Variants in DMAP1 observed in about 807,000 individuals in gnomAD.
DMAP1 encodes the protein DNA methyltransferase 1 associated protein 1.
DMAP1 carries 26 observed loss-of-function variants against 52.7 expected under a neutral mutation model. The ratio of observed to expected loss-of-function variants is 0.49; its 90% CI spans 0.36 to 0.68. The LOEUF is 0.68. Ranked by LOEUF, DMAP1 falls within the 30% of genes least tolerant of loss-of-function variation. The pLI is 0.00. For missense variants in DMAP1, 439 were observed against 625.2 expected (o/e 0.70, Z 3.18); for synonymous variants, 231 against 246.0 (o/e 0.94, Z 0.57).
rs1045004334 is a variant in DMAP1 at position 44,219,751 on chromosome 1, T to G, written c.979-55T>G. 3 of 1,600,968 alleles carry G rather than the reference T, an allele frequency of 1.9e-6. No homozygotes were observed. In the African/African-American group the frequency reaches 4.0e-5, roughly 21 times the overall value. On this transcript the variant is annotated intron_variant, in intron 7 of 9. Transcript: ENST00000372289. ...TCTTTCCCTCTGCCTTTTGTCCCCTTCATCCTAAGCCTCTTGTGGCTGGGA... is the reference window on the plus strand; with the variant it reads ...TCTTTCCCTCTGCCTTTTGTCCCCTGCATCCTAAGCCTCTTGTGGCTGGGA...
chr1:44,216,388 C>A (rs987173698), intron 3 of DMAP1: 2 of 152,062 alleles, frequency 1.3e-5, no homozygotes, highest in Non-Finnish European at 2.9e-5. Context: ...CACCAACATG[C>A]CTGGCTAATT....
chr1:44,214,633 C>A (rs1477598004), intron 2 of DMAP1, 70 bp from the exon 3 acceptor site: 2 of 1,613,210 alleles, frequency 1.2e-6, no homozygotes, highest in African/African-American at 1.3e-5. Context: ...TAGATCAGCT[C>A]CCTGGGACAA....
intron 3 of DMAP1, chr1:44,215,559 C>T (rs981975644): frequency 6.1e-6 from 2 of 325,216 alleles, no homozygotes; most frequent in Admixed American, 4.2e-5. Flanking sequence ...AAATAAGAGC[C>T]GTCAGTAACA....
At chr1:44,216,565 G>GAATTA (rs1294915069) in intron 3 of DMAP1, 1 of 152,192 alleles carries the variant, frequency 6.6e-6, no homozygotes, top group Non-Finnish European at 1.5e-5. Flanking sequence ...TAGTTAAATT[G>GAATTA]AATTAAAATG....
chr1:44,213,990 A>G lies in DMAP1; in HGVS notation c.105+132A>G, dbSNP rs1315174876. ...GATAAAAGGGGTGACATAACAGGAC[A>G]GGGAATATGTGTCATCCTTGATGGG... On this transcript the variant is annotated intron_variant, in intron 1 of 9. Coordinates refer to ENST00000372289, the MANE Select transcript of DMAP1 (RefSeq NM_019100.5). The surrounding 1 kb of genome is among the most constrained non-coding windows in gnomAD (Gnocchi z 4.5). 1.9e-5 allele frequency: 16 copies of G among 833,694 alleles called. No homozygotes were observed. Among genetic ancestry groups the G allele is most frequent in the Non-Finnish European group, 2.7e-5 (14 of 516,350 alleles). 51.6% of individuals were successfully genotyped at this position (833,694 alleles called of 1,614,324 possible).
intron 8 of DMAP1, 55 bp from the exon 9 acceptor site, chr1:44,219,962 G>A: frequency 6.2e-7 from 1 of 1,607,112 alleles, no homozygotes. Flanking sequence ...AGTTCACATT[G>A]CTGGCCCTCT....
Position 44,219,841 on chromosome 1 carries a change from C to A in DMAP1, c.1014C>A (p.Ile338=). Residue 338 remains isoleucine (I), a synonymous_variant, in exon 8 of 10, where the codon ATC becomes ATA. Transcript: ENST00000372289. The stretch of plus-strand genomic sequence containing the variant: ...CAAGCTCTGTGGGACAGAAGAAGAT[C>A]AAGGCCCTGGAACAGATGCTGCTGG... ...KLPSSVGQKK[I]KALEQMLLEL... 2 of 1,614,188 alleles carry A rather than the reference C, an allele frequency of 1.2e-6. No homozygotes were observed. Among genetic ancestry groups the A allele is most frequent in the South Asian group, 2.2e-5 (2 of 91,064 alleles).
Position 44,213,508 on chromosome 1 carries a change from G to A in DMAP1, c.-246G>A. On this transcript the variant is annotated 5_prime_UTR_variant, in exon 1 of 10. Coordinates refer to ENST00000372289, the MANE Select transcript of DMAP1 (RefSeq NM_019100.5). The surrounding 1 kb of genome is among the most constrained non-coding windows in gnomAD (Gnocchi z 4.5). ...CGGGGACGGGGGAGTGGTAGTGGGG[G>A]CTGCAGCTGCCGGACCCAGGTGCGG... 2.1e-6 allele frequency: 1 copy of A among 472,374 alleles called. No individual in the cohort carries two copies. The allele number at this position is 472,374 out of a possible 1,614,324, so 29.3% of individuals were successfully genotyped here. A position where few individuals can be genotyped will look rare whatever the true frequency, so the allele number is the denominator to read the frequency against.
intron 7 of DMAP1, 26 bp downstream of exon 7, chr1:44,219,503 G>T (rs956095626): frequency 6.4e-7 from 1 of 1,551,716 alleles, no homozygotes; most frequent in Non-Finnish European, 8.7e-7. Flanking sequence ...CCTTTAGCAA[G>T]TTTGGGTCCT....
intron 7 of DMAP1, 120 bp from the exon 8 acceptor site, chr1:44,219,686 C>A: frequency 7.6e-7 from 1 of 1,308,914 alleles, no homozygotes; most frequent in Non-Finnish European, 1.1e-6. Context: ...CTTTTCTGGC[C>A]CATAGTTAAC....
At chr1:44,219,288 C>A in intron 6 of DMAP1, 47 bp downstream of exon 6, 1 of 1,590,028 alleles carries the variant, frequency 6.3e-7, no homozygotes, top group Non-Finnish European at 8.6e-7. Context: ...GGTCACCTGG[C>A]ACAAGGCCTC....
Position 44,220,023 on chromosome 1 carries a change from G to A in DMAP1, c.1058G>A (p.Ser353Asn), listed in dbSNP as rs138593911. 2,016 of 1,599,808 alleles carry A rather than the reference G, an allele frequency of 1.3e-3. 2 individuals are homozygous for A. Among genetic ancestry groups the A allele is most frequent in the South Asian group, 1.8e-3 (158 of 89,900 alleles). Reference protein sequence around the residue: ...QMLLELGVELSPTPTEELVHM... With the variant: ...QMLLELGVELNPTPTEELVHM... ...GCCTGCCGCCTGCCTGCAGAGCTGAGCCCGACACCTACGGAGGAGCTGGTG... is the reference window on the plus strand; with the variant it reads ...GCCTGCCGCCTGCCTGCAGAGCTGAACCCGACACCTACGGAGGAGCTGGTG... Residue 353 changes from serine to asparagine, a missense_variant, in exon 9 of 10, where the codon AGC becomes AAC. This residue lies in a region of DMAP1 where 179 missense variants were observed against 285.9 expected (regional missense o/e 0.63). Transcript: ENST00000372289.
chr1:44,217,054 TTTTTC>T (rs1009037789), intron 3 of DMAP1: 95 of 152,352 alleles, frequency 6.2e-4, no homozygotes, highest in African/African-American at 2.2e-3. Flanking sequence ...GTGAAGGACA[TTTTTC>T]TATTTTATTT....
intron 3 of DMAP1, chr1:44,216,265 T>C (rs1271484547): frequency 1.3e-5 from 2 of 152,150 alleles, no homozygotes; most frequent in Non-Finnish European, 2.9e-5. Context: ...GGTCTCTTTC[T>C]GTCTGCCAGG....
chr1:44,217,034 A>ACACAGATGAT (rs1235983805), intron 3 of DMAP1: 3 of 152,250 alleles, frequency 2.0e-5, no homozygotes, highest in African/African-American at 7.2e-5. Context: ...TGTGTCTCAA[A>ACACAGATGAT]TCATCTGTGG....
chr1:44,213,857 A>T lies in DMAP1; in HGVS notation c.104A>T (p.Lys35Met). 1 of 1,580,068 alleles carries T rather than the reference A, an allele frequency of 6.3e-7. No homozygotes were observed. The highest frequency in any genetic ancestry group is 8.6e-7 in the Non-Finnish European group (1 of 1,163,356). The change falls in exon 1 of 10, where the codon AAG (lysine) becomes ATG (methionine). Residue 35 changes from lysine (K) to methionine (M), a missense_variant and splice_region_variant. Around this residue, in one of 3 missense-constraint regions of DMAP1, gnomAD observed 118 missense variants for 189.8 expected, o/e 0.62. Transcript: ENST00000372289. This position sits in a 1 kb window ranked among gnomAD's most constrained non-coding sequence, Gnocchi z 4.5. ...ISKKDIINPD[K>M]KKSKKSSETL... Reference sequence around the variant, plus strand: ...AAGAAGGACATTATCAACCCGGACAAGGTAGCAGGGGCACCTGAAAGCGTT... The same window carrying T: ...AAGAAGGACATTATCAACCCGGACATGGTAGCAGGGGCACCTGAAAGCGTT...
chr1:44,220,337 C>G (rs372900937), intron 9 of DMAP1, 28 bp downstream of exon 9: 472 of 1,530,150 alleles, frequency 3.1e-4, no homozygotes, highest in Non-Finnish European at 9.7e-5. Flanking sequence ...CTGGGAGGCA[C>G]GCCTGGGCCC....
At chr1:44,214,284 G>A in intron 1 of DMAP1, 66 bp from the exon 2 acceptor site, 1 of 1,464,720 alleles carries the variant, frequency 6.8e-7, no homozygotes, top group Non-Finnish European at 9.5e-7. Flanking sequence ...CAGGGATTGA[G>A]CTGGACTAAA....
intron 2 of DMAP1, 23 bp downstream of exon 2, chr1:44,214,464 C>G: frequency 6.2e-7 from 1 of 1,613,826 alleles, no homozygotes; most frequent in Non-Finnish European, 8.5e-7. Flanking sequence ...GTCCCAAGTC[C>G]CCCAGGTTTT....
Sources: allele counts gnomAD v4.1 joint callset, GRCh38; gene constraint gnomAD v4.1.1; regional missense constraint gnomAD v4.1.1; non-coding constraint Gnocchi (gnomAD v3.1); transcripts MANE v1.5; gene names NCBI Gene and HGNC (gene_info 2026-07-23, HGNC 2026-07-21).